The following DPP6 variants were observed in gnomAD, a reference collection of about 807,000 sequenced individuals.
DPP6 encodes dipeptidyl peptidase like 6.
Under a neutral mutation model 122.6 loss-of-function variants are expected in DPP6, and 69 were observed. The ratio of observed to expected loss-of-function variants is 0.56; its 90% CI spans 0.46 to 0.69. The LOEUF (loss-of-function observed/expected upper bound fraction) is 0.69. Ranked by LOEUF, DPP6 falls within the 30% of genes least tolerant of loss-of-function variation. The pLI is 0.00. For synonymous variants in DPP6, 418 were observed against 433.1 expected (o/e 0.97, Z 0.43); for missense variants, 928 against 1,116.9 (o/e 0.83, Z 2.41).
rs1015670875 is a variant in DPP6 at position 154,282,183 on chromosome 7, C to T, written c.244-164031C>T. Among the ~76,000 whole-genome samples, 4 of 152,076 alleles carry T rather than the reference C, an allele frequency of 2.6e-5. No homozygotes were observed. Among genetic ancestry groups the T allele is most frequent in the Admixed American group, 2.0e-4 (3 of 15,274 alleles). On this transcript the variant is annotated intron_variant, in intron 1 of 25. Transcript: ENST00000377770. The surrounding 1 kb of genome is among the most constrained non-coding windows in gnomAD (Gnocchi z 4.8). ...CTATAATTTTATTCTTTTTTCCCCTCCCTATTCCATTCTCTCTGTGGCCCC... is the reference window on the plus strand; with the variant it reads ...CTATAATTTTATTCTTTTTTCCCCTTCCTATTCCATTCTCTCTGTGGCCCC...
chr7:154,103,332 G>A (rs1050057690), intron 1 of DPP6, among the ~76,000 whole-genome samples: 5 of 152,174 alleles, frequency 3.3e-5, no homozygotes, highest in African/African-American at 1.2e-4. Context: ...GGTTTTCCTT[G>A]TGGGAGAAAA....
At chr7:154,887,864 C>A in intron 23 of DPP6, 130 bp downstream of exon 23, 2 of 1,085,714 alleles carry the variant, frequency 1.8e-6, no homozygotes, top group Non-Finnish European at 2.8e-6. Context: ...AGCACCAAAG[C>A]CCACTCAGAA....
chr7:154,413,135 A>T (rs286850), intron 1 of DPP6, among the ~76,000 whole-genome samples: 22,645 of 152,082 alleles, frequency 0.15, 1,725 homozygotes, highest in South Asian at 0.17. Flanking sequence ...CGCTGCCCTA[A>T]AGTGGTCCTC....
At chr7:153,992,379 T>G (rs1268546452) in intron 1 of DPP6, among the ~76,000 whole-genome samples, 1 of 152,052 alleles carries the variant, frequency 6.6e-6, no homozygotes, top group Admixed American at 6.6e-5. Flanking sequence ...CCTGTTCTTC[T>G]AGTTATCCAT....
At chr7:154,401,180 G>A (rs1404928513) in intron 1 of DPP6, among the ~76,000 whole-genome samples, 1 of 151,374 alleles carries the variant, frequency 6.6e-6, no homozygotes, top group Non-Finnish European at 1.5e-5. Context: ...CTGGGTGATA[G>A]GGTGAGACTC....
rs201271961 is a variant in DPP6 at position 154,357,142 on chromosome 7, TA to T, written c.244-89068del. On this transcript the variant is annotated intron_variant, in intron 1 of 25. Coordinates refer to ENST00000377770, the MANE Select transcript of DPP6 (RefSeq NM_130797.4). ...TGAACAATGAATAGCTGACCTATAG[TA>T]AAAGCAAGAGGTTAAAGTAAAAAGA... Among the ~76,000 whole-genome samples the T allele has an allele frequency of 7.5e-3, 1,145 of 152,256 alleles. 20 individuals carry two copies. The highest frequency in any genetic ancestry group is 0.04 in the East Asian group (206 of 5,182).
intron 8 of DPP6, among the ~76,000 whole-genome samples, chr7:154,731,618 AAG>A (rs1322870182): frequency 2.0e-5 from 3 of 152,206 alleles, no homozygotes; most frequent in East Asian, 1.9e-4. Flanking sequence ...TGATTCTCTA[AAG>A]AGAGTCCTGT....
chr7:154,260,779 G>A (rs1802966438), intron 1 of DPP6, among the ~76,000 whole-genome samples: 1 of 148,786 alleles, frequency 6.7e-6, no homozygotes, highest in African/African-American at 2.5e-5. Flanking sequence ...ATTGTGAATT[G>A]TGCTGCTATA....
At chr7:153,919,441 A>C (rs150464040) in intron 1 of DPP6, among the ~76,000 whole-genome samples, 72 of 152,296 alleles carry the variant, frequency 4.7e-4, no homozygotes, top group Non-Finnish European at 9.1e-4. Context: ...TGAGTCCTTA[A>C]ACACCAGTTT....
chr7:154,815,780 G>A (rs1477457556), intron 16 of DPP6, among the ~76,000 whole-genome samples: 1 of 152,220 alleles, frequency 6.6e-6, no homozygotes, highest in East Asian at 1.9e-4. Flanking sequence ...TCTCACCCCC[G>A]CCCCTTTCAG....
At chr7:153,990,579 T>C (rs1243921860) in intron 1 of DPP6, among the ~76,000 whole-genome samples, 1 of 152,156 alleles carries the variant, frequency 6.6e-6, no homozygotes, top group African/African-American at 2.4e-5. Flanking sequence ...CGAGGTGGCT[T>C]CCGAGAACAG....
intron 1 of DPP6, among the ~76,000 whole-genome samples, chr7:153,910,583 T>C (rs1800045924): frequency 1.3e-5 from 2 of 152,150 alleles, no homozygotes; most frequent in Non-Finnish European, 2.9e-5. Context: ...TAAATTTGCA[T>C]GTCAGCCTCT....
intron 15 of DPP6, among the ~76,000 whole-genome samples, chr7:154,806,435 G>A (rs1303586522): frequency 1.3e-5 from 2 of 152,202 alleles, no homozygotes; most frequent in African/African-American, 2.4e-5. Context: ...GTTCCCACTT[G>A]TGTAGCTCCG....
chr7:154,541,207 T>C (rs1488804900), intron 4 of DPP6, among the ~76,000 whole-genome samples: 1 of 152,236 alleles, frequency 6.6e-6, no homozygotes. Context: ...ATGGCTCATT[T>C]GCAGCCTTGA....
intron 1 of DPP6, among the ~76,000 whole-genome samples, chr7:154,372,206 G>A (rs975826857): frequency 1.1e-4 from 17 of 152,288 alleles, no homozygotes; most frequent in Admixed American, 1.1e-3. Flanking sequence ...GGAGGATCCT[G>A]GGATTTGAAG....
At chr7:154,830,199 G>A (rs765808628) in intron 16 of DPP6, among the ~76,000 whole-genome samples, 25 of 152,066 alleles carry the variant, frequency 1.6e-4, no homozygotes, top group Non-Finnish European at 2.5e-4. Flanking sequence ...ATCCACATTC[G>A]CTGCTGCCTT....
intron 4 of DPP6, among the ~76,000 whole-genome samples, chr7:154,563,150 A>G (rs944020196): frequency 6.6e-6 from 1 of 152,236 alleles, no homozygotes; most frequent in Admixed American, 6.5e-5. Flanking sequence ...TTAGAAGGTG[A>G]CTTGAGATAA....
intron 6 of DPP6, among the ~76,000 whole-genome samples, chr7:154,661,722 C>A (rs11972592): frequency 8.2e-5 from 5 of 61,214 alleles, no homozygotes; most frequent in Admixed American, 7.0e-4. Context: ...GCATATTGGC[C>A]GTAGTGTTCA....
chr7:154,001,026 G>T (rs547989342), intron 1 of DPP6, among the ~76,000 whole-genome samples: 98 of 152,270 alleles, frequency 6.4e-4, no homozygotes, highest in Middle Eastern at 6.8e-3. Context: ...CTTGGACACT[G>T]ATTTCTTCCC....
Sources: allele counts gnomAD v4.1 joint callset (sites outside exome capture counted in the v4.1 genomes callset), GRCh38; gene constraint gnomAD v4.1.1; non-coding constraint Gnocchi (gnomAD v3.1); transcripts MANE v1.5; gene names NCBI Gene and HGNC (gene_info 2026-07-23, HGNC 2026-07-21).